Variants in BRD1 observed in about 807,000 individuals in gnomAD.
The protein encoded by BRD1 is bromodomain containing 1, also known as bromodomain-containing protein 1.
In BRD1, 24 loss-of-function variants were observed where a neutral mutation model predicts 107.7. That is an observed-to-expected ratio of 0.22 (90% CI 0.16 to 0.31). The LOEUF (loss-of-function observed/expected upper bound fraction) is 0.31. Among genes scored for constraint, BRD1 ranks in the 10% least tolerant of loss-of-function variants. The pLI, the probability that BRD1 is intolerant of heterozygous loss-of-function variation, is 1.00. For missense variants in BRD1, 1,279 were observed against 1,638.6 expected (o/e 0.78, Z 3.79); for synonymous variants, 744 against 686.1 (o/e 1.08, Z -1.32).
At chr22:49,820,557 G>A (rs1019065183) in intron 2 of BRD1, among the ~76,000 whole-genome samples, 1 of 152,206 alleles carries the variant, frequency 6.6e-6, no homozygotes, top group African/African-American at 2.4e-5. Context: ...TGTAAGCCAT[G>A]ATCACGCCAC....
At chr22:49,819,896 G>A (rs181832958) in intron 2 of BRD1, among the ~76,000 whole-genome samples, 152 of 152,080 alleles carry the variant, frequency 1.0e-3, no homozygotes, top group African/African-American at 3.5e-3. Context: ...TTGGGAGTTC[G>A]AGGCGGGTGG....
chr22:49,781,820 C>T lies in BRD1; in HGVS notation c.2858-4007G>A, dbSNP rs146207970. ...GAGCAGTTTTGGTGCATTTTTCAAC[C>T]TCTCAACAAAAACACACACGGAAGA... On this transcript the variant is annotated intron_variant, in intron 8 of 12. Coordinates refer to ENST00000404760, the MANE Select transcript of BRD1 (RefSeq NM_001304808.3). 9.8e-5 allele frequency among the ~76,000 whole-genome samples: 15 copies of T among 152,402 alleles called. No homozygotes were observed. In the East Asian group the frequency reaches 2.1e-3, roughly 22 times the overall value.
At chr22:49,793,933 G>C in intron 7 of BRD1, 101 bp downstream of exon 7, 1 of 1,475,206 alleles carries the variant, frequency 6.8e-7, no homozygotes, top group East Asian at 2.3e-5. Context: ...GAGCCTCCGT[G>C]CACACCAACG....
chr22:49,824,445 C>T lies in BRD1; in HGVS notation c.-14-114G>A. On this transcript the variant is annotated intron_variant, in intron 1 of 12. Transcript: ENST00000404760. The surrounding 1 kb of genome is among the most constrained non-coding windows in gnomAD (Gnocchi z 5.9). ...TCAGCAGCTCAAAGCCCAATCAAAG[C>T]AAAACTCACAGCTAACCTCTTTCCA... The T allele has an allele frequency of 6.8e-7, 1 of 1,473,930 alleles. No homozygotes were observed. The highest frequency in any genetic ancestry group is 2.4e-5 in the East Asian group (1 of 41,556). 91.3% of individuals were successfully genotyped at this position (1,473,930 alleles called of 1,614,324 possible).
intron 1 of BRD1, chr22:49,826,270 A>G (rs2060148032): frequency 2.0e-6 from 2 of 985,184 alleles, no homozygotes; most frequent in Non-Finnish European, 2.4e-6. Flanking sequence ...TCATCGCAAC[A>G]CTTTCTACAA....
At chr22:49,805,324 C>G (rs1458081379) in intron 2 of BRD1, 1 of 152,276 alleles carries the variant, frequency 6.6e-6, no homozygotes, top group East Asian at 1.9e-4. Flanking sequence ...CTCACCAGAC[C>G]CAGAACTGAC....
At chr22:49,818,068 T>A (rs2059988732) in intron 2 of BRD1, 1 of 282,308 alleles carries the variant, frequency 3.5e-6, no homozygotes, top group African/African-American at 2.3e-5. Flanking sequence ...TGAGTGATGC[T>A]TCCCTTCCTA....
chr22:49,776,959 A>G, intron 10 of BRD1, 75 bp downstream of exon 10: 7 of 1,584,924 alleles, frequency 4.4e-6, no homozygotes, highest in Non-Finnish European at 5.2e-6. Flanking sequence ...GCCGGAGTCC[A>G]GTCCCCAGCA....
At chr22:49,776,201 C>T (rs2059096087) in intron 10 of BRD1, 42 bp from the exon 11 acceptor site, 21 of 1,550,308 alleles carry the variant, frequency 1.4e-5, no homozygotes, top group African/African-American at 1.2e-4. Context: ...GTCAGCAGGA[C>T]ACGGGGCACG....
chr22:49,818,203 A>C, intron 2 of BRD1: 1 of 1,126,478 alleles, frequency 8.9e-7, no homozygotes, highest in Non-Finnish European at 1.1e-6. Context: ...TAGGAGGAGC[A>C]CCCATCACAA....
chr22:49,813,963 G>A (rs949642757), intron 2 of BRD1, among the ~76,000 whole-genome samples: 3 of 152,106 alleles, frequency 2.0e-5, no homozygotes, highest in Non-Finnish European at 2.9e-5. Flanking sequence ...TAAATTTGAG[G>A]AGTACGATGA....
rs2059243327 is a variant in BRD1 at position 49,783,009 on chromosome 22, G to C, written c.2857+4381C>G. The stretch of plus-strand genomic sequence containing the variant: ...GGACCTGCTCCATGACAATGCAGCT[G>C]GGACGGTCAGAGACAGACCCAAGGC... On this transcript the variant is annotated intron_variant, in intron 8 of 12. Transcript: ENST00000404760. This position sits in a 1 kb window ranked among gnomAD's most constrained non-coding sequence, Gnocchi z 4.2. Among the ~76,000 whole-genome samples, 1 of 147,006 alleles carries C rather than the reference G, an allele frequency of 6.8e-6. No individual in the cohort carries two copies. Among genetic ancestry groups the C allele is most frequent in the Non-Finnish European group, 1.5e-5 (1 of 66,638 alleles).
Position 49,794,193 on chromosome 22 carries a change from T to C in BRD1, c.2200A>G (p.Ser734Gly). The change falls in exon 7 of 13, where the codon AGC becomes GGC. Residue 734 changes from serine (S) to glycine (G), a missense_variant. Ser to Gly is a moderately conservative substitution (Grantham distance 56). Coordinates refer to ENST00000404760, the MANE Select transcript of BRD1 (RefSeq NM_001304808.3). ...TTTGCCCGCTTGCTCCGGGAGCCGC[T>C]GGACTTCATAGCGCAGGTGAGGTCG... The part of the protein sequence containing the change: ...MLDLTCAMKS[S>G]GSRSKRAKLL... The C allele has an allele frequency of 6.2e-7, 1 of 1,614,228 alleles. No homozygotes were observed. The highest frequency in any genetic ancestry group is 8.5e-7 in the Non-Finnish European group (1 of 1,180,046).
In BRD1 at chr22:49,813,850, A is replaced by C. The variant is rs141587274; in HGVS notation, c.1367+9101T>G. Among the ~76,000 whole-genome samples the C allele has an allele frequency of 2.6e-5, 4 of 152,082 alleles. No homozygotes were observed. The East Asian group carries it at 7.8e-4, about 30-fold the overall frequency. On this transcript the variant is annotated intron_variant, in intron 2 of 12. Transcript: ENST00000404760. ...TTTAAAAAAAAAAAAAAAATTTGTA[A>C]AGACTCCTAGAGGAAATACAGGGAG...
intron 8 of BRD1, among the ~76,000 whole-genome samples, chr22:49,778,862 C>A (rs2059151490): frequency 6.6e-6 from 1 of 152,064 alleles, no homozygotes; most frequent in South Asian, 2.1e-4. Flanking sequence ...GGAGTTTCAC[C>A]GTGTTAGCCA....
rs2059581084 is a variant in BRD1 at position 49,798,606 on chromosome 22, T to C, written c.1737A>G (p.Gln579=). Residue 579 remains glutamine (Q), a synonymous_variant, in exon 5 of 13, where the codon CAA becomes CAG. Transcript: ENST00000404760. ...VLLRSVLDQL[Q]DKDPARIFAQ... is the part of the protein sequence containing the mutation. ...CAAATATCCTGGCGGGGTCCTTGTCTTGCAGCTGGTCCAGCACTGAGCGCA... is the reference window on the plus strand; with the variant it reads ...CAAATATCCTGGCGGGGTCCTTGTCCTGCAGCTGGTCCAGCACTGAGCGCA... 2 of 1,614,062 alleles carry C rather than the reference T, an allele frequency of 1.2e-6. No homozygotes were observed. Among genetic ancestry groups the C allele is most frequent in the African/African-American group, 2.7e-5 (2 of 74,928 alleles).
Position 49,777,174 on chromosome 22 carries a change from G to C in BRD1, c.2994-13C>G. On this transcript the variant is annotated splice_polypyrimidine_tract_variant and intron_variant, in intron 9 of 12. Coordinates refer to ENST00000404760, the MANE Select transcript of BRD1 (RefSeq NM_001304808.3). The stretch of plus-strand genomic sequence containing the variant: ...GGGCGCATTAAAGCTTCGGGAGGAA[G>C]AGCAGAGGGAGTCAGGCGCCCCGCC... The C allele has an allele frequency of 6.2e-7, 1 of 1,611,486 alleles. No individual in the cohort carries two copies. The highest frequency in any genetic ancestry group is 8.5e-7 in the Non-Finnish European group (1 of 1,179,534).
chr22:49,826,864 T>C (rs1003942786), intron 1 of BRD1, among the ~76,000 whole-genome samples: 1 of 152,116 alleles, frequency 6.6e-6, no homozygotes, highest in African/African-American at 2.4e-5. Flanking sequence ...CCGCGTCCGC[T>C]CACAAGAGCC....
rs1039811744 is a variant in BRD1, at chr22:49,796,799, T to C, written c.2098+1006A>G. On this transcript the variant is annotated intron_variant, in intron 6 of 12. Coordinates refer to ENST00000404760, the MANE Select transcript of BRD1 (RefSeq NM_001304808.3). ...GCGAAGCAACGATGGCCCAGCTTGGTTGAATCCCATGATGGCGGGAAGCGG... is the reference window on the plus strand; with the variant it reads ...GCGAAGCAACGATGGCCCAGCTTGGCTGAATCCCATGATGGCGGGAAGCGG... Among the ~76,000 whole-genome samples the C allele has an allele frequency of 3.3e-5, 5 of 152,128 alleles. No homozygotes were observed. In the East Asian group the frequency reaches 5.8e-4, roughly 18 times the overall value.
Sources: allele counts gnomAD v4.1 joint callset (sites outside exome capture counted in the v4.1 genomes callset), GRCh38; gene constraint gnomAD v4.1.1; non-coding constraint Gnocchi (gnomAD v3.1); transcripts MANE v1.5; gene names NCBI Gene and HGNC (gene_info 2026-07-23, HGNC 2026-07-21).